The following ZUP1 variants were observed in gnomAD, a reference collection of about 807,000 sequenced individuals.
ZUP1 encodes zinc finger-containing ubiquitin peptidase 1.
Under a neutral mutation model 68.1 loss-of-function variants are expected in ZUP1, and 55 were observed. The ratio of observed to expected loss-of-function variants is 0.81; its 90% confidence interval spans 0.65 to 1.01. The LOEUF is 1.01. Among genes scored for constraint, ZUP1 ranks in the 50% least tolerant of loss-of-function variants. ZUP1 has a pLI of 0.00. For missense variants in ZUP1, 684 were observed against 674.9 expected (o/e 1.01, Z -0.15); for synonymous variants, 223 against 221.5 (o/e 1.01, Z -0.06).
Position 116,635,823 on chromosome 6 carries a change from C to T in ZUP1, c.*9G>A. 6.3e-7 allele frequency: 1 copy of T among 1,596,196 alleles called. No individual in the cohort carries two copies. The highest frequency in any genetic ancestry group is 1.2e-5 in the South Asian group (1 of 86,408). Reference sequence around the variant, plus strand: ...TCTCAATCACTGAAATGCTTAAATGCTTGATTCTTCAAGGAATCTTCTCGG... The same window carrying T: ...TCTCAATCACTGAAATGCTTAAATGTTTGATTCTTCAAGGAATCTTCTCGG... On this transcript the variant is annotated 3_prime_UTR_variant, in exon 10 of 10. Transcript: ENST00000368576.
chr6:116,657,375 T>C (rs1776704141), intron 4 of ZUP1, among the ~76,000 whole-genome samples: 1 of 152,230 alleles, frequency 6.6e-6, no homozygotes, highest in African/African-American at 2.4e-5. Flanking sequence ...GAAACTTTTC[T>C]ACAGAAAAAT....
At chr6:116,644,745 C>T (rs9374619) in intron 9 of ZUP1, among the ~76,000 whole-genome samples, 28,542 of 151,446 alleles carry the variant, frequency 0.19, 2,878 homozygotes, top group East Asian at 0.29. Flanking sequence ...TGCTAAATGA[C>T]GATTTAATGG....
intron 5 of ZUP1, among the ~76,000 whole-genome samples, chr6:116,656,406 G>A (rs114571173): frequency 6.6e-6 from 1 of 152,052 alleles, no homozygotes; most frequent in African/African-American, 2.4e-5. Flanking sequence ...TTGTTAATGT[G>A]GAGCCAGGAA....
chr6:116,656,565 T>A, intron 5 of ZUP1, 119 bp downstream of exon 5: 1 of 787,206 alleles, frequency 1.3e-6, no homozygotes, highest in South Asian at 2.0e-5. Flanking sequence ...AAACAATACA[T>A]TTTTAAAAAA....
chr6:116,662,184 T>C (rs1358307186), intron 2 of ZUP1, among the ~76,000 whole-genome samples: 1 of 152,230 alleles, frequency 6.6e-6, no homozygotes, highest in Non-Finnish European at 1.5e-5. Flanking sequence ...CTTCCATAAG[T>C]AATGCTGGCG....
chr6:116,645,677 T>G (rs1407413113), intron 9 of ZUP1, 37 bp downstream of exon 9: 1 of 1,438,616 alleles, frequency 7.0e-7, no homozygotes, highest in Non-Finnish European at 9.5e-7. Context: ...TAAGTTCATC[T>G]CATTCAAACT....
rs1426661709 is a variant in ZUP1 at position 116,668,581 on chromosome 6, C to G, written c.-31G>C. ...CAATTCTTACCGGCCCAGAGGCCAG[C>G]AGCTGCCACACTGAGCTCCGCTAGG... On this transcript the variant is annotated 5_prime_UTR_variant, in exon 1 of 10. Coordinates refer to ENST00000368576, the MANE Select transcript of ZUP1 (RefSeq NM_145062.3). 6.6e-6 allele frequency: 1 copy of G among 152,624 alleles called. No individual in the cohort carries two copies. The highest frequency in any genetic ancestry group is 1.5e-5 in the Non-Finnish European group (1 of 68,382). The allele number at this position is 152,624 out of a possible 1,614,324, so 9.5% of individuals were successfully genotyped here. A position where few individuals can be genotyped will look rare whatever the true frequency, so the allele number is the denominator to read the frequency against.
Position 116,666,983 on chromosome 6 carries a change from ATATTG to A in ZUP1, c.205_209del (p.Gln69TrpfsTer5). ...TGTCTTTCTTGTTATCTGAAGTTCC[ATATTG>A]TACTGTATTTATCCTCTCAAAGTTT... On this transcript the variant is annotated frameshift_variant, in exon 2 of 10. Transcript: ENST00000368576. LOFTEE classifies it high-confidence loss of function. 1 of 1,613,852 alleles carries A rather than the reference ATATTG, an allele frequency of 6.2e-7. No individual in the cohort carries two copies. The highest frequency in any genetic ancestry group is 8.5e-7 in the Non-Finnish European group (1 of 1,179,870).
At chr6:116,667,305 T>C in intron 1 of ZUP1, 98 bp from the exon 2 acceptor site, 3 of 720,974 alleles carry the variant, frequency 4.2e-6, no homozygotes, top group Non-Finnish European at 6.2e-6. Context: ...CGCTGGATTA[T>C]TTTGATGAAG....
At chr6:116,638,369 A>G (rs1288796934) in intron 9 of ZUP1, among the ~76,000 whole-genome samples, 1 of 152,140 alleles carries the variant, frequency 6.6e-6, no homozygotes, top group African/African-American at 2.4e-5. Context: ...TTTCTATAAT[A>G]TTACGTTCCC....
At chr6:116,661,924 G>A (rs1776855193) in intron 2 of ZUP1, among the ~76,000 whole-genome samples, 1 of 152,192 alleles carries the variant, frequency 6.6e-6, no homozygotes, top group African/African-American at 2.4e-5. Flanking sequence ...GTGAAGAAAT[G>A]GAGCTACAGT....
Position 116,660,807 on chromosome 6 carries a change from A to G in ZUP1, c.599T>C (p.Leu200Pro). 1 of 1,608,616 alleles carries G rather than the reference A, an allele frequency of 6.2e-7. No homozygotes were observed. Among genetic ancestry groups the G allele is most frequent in the Non-Finnish European group, 8.5e-7 (1 of 1,176,488 alleles). Residue 200 changes from leucine (L) to proline (P), a missense_variant, in exon 3 of 10, where the codon CTC (leucine) becomes CCC (proline). Transcript: ENST00000368576. ...QPLYDCPMCG[L>P]ICTNYHILQE... Reference sequence around the variant, plus strand: ...AAGAATATGGTAATTTGTACATATGAGCCCACACATAGGACAATCATAGAG... The same window carrying G: ...AAGAATATGGTAATTTGTACATATGGGCCCACACATAGGACAATCATAGAG...
chr6:116,645,160 T>C (rs577901088), intron 9 of ZUP1, among the ~76,000 whole-genome samples: 1 of 152,276 alleles, frequency 6.6e-6, no homozygotes, highest in African/African-American at 2.4e-5. Context: ...TAAACACTTT[T>C]ATGAAGCTCT....
chr6:116,649,420 G>C (rs994155132), intron 7 of ZUP1, among the ~76,000 whole-genome samples: 2 of 152,028 alleles, frequency 1.3e-5, no homozygotes, highest in African/African-American at 2.4e-5. Flanking sequence ...GGAATAGACA[G>C]GAAAAGAGCT....
At chr6:116,639,367 G>A (rs1275877486) in intron 9 of ZUP1, among the ~76,000 whole-genome samples, 1 of 152,254 alleles carries the variant, frequency 6.6e-6, no homozygotes, top group Non-Finnish European at 1.5e-5. Context: ...GGAGATCTGA[G>A]AATGGGCAGA....
chr6:116,651,561 A>C lies in ZUP1; in HGVS notation c.1316+11T>G. 6.4e-7 allele frequency: 1 copy of C among 1,562,150 alleles called. No homozygotes were observed. The highest frequency in any genetic ancestry group is 8.7e-7 in the Non-Finnish European group (1 of 1,155,798). On this transcript the variant is annotated intron_variant, in intron 7 of 9. Coordinates refer to ENST00000368576, the MANE Select transcript of ZUP1 (RefSeq NM_145062.3). ...AGGAAATAACATTTATTTAGGTTTT[A>C]AGGTACATACTTTACCCTTAGGGAG...
intron 8 of ZUP1, among the ~76,000 whole-genome samples, chr6:116,646,603 C>T (rs1776317440): frequency 6.6e-6 from 1 of 152,154 alleles, no homozygotes; most frequent in African/African-American, 2.4e-5. Flanking sequence ...TTGACACAGC[C>T]TCACTCCGCC....
At chr6:116,668,211 C>T (rs889241039) in intron 1 of ZUP1, among the ~76,000 whole-genome samples, 1 of 152,136 alleles carries the variant, frequency 6.6e-6, no homozygotes, top group Non-Finnish European at 1.5e-5. Flanking sequence ...GATACAGTCT[C>T]TGATTTTAGA....
chr6:116,662,386 C>T (rs1042451654), intron 2 of ZUP1, among the ~76,000 whole-genome samples: 8 of 151,232 alleles, frequency 5.3e-5, no homozygotes, highest in African/African-American at 2.0e-4. Context: ...TCCCAGTATA[C>T]ATTTTTTACC....
Sources: gnomAD v4.1 joint callset for allele counts (sites outside exome capture counted in the v4.1 genomes callset) on GRCh38, gnomAD v4.1.1 for gene constraint, MANE v1.5 for transcripts, NCBI Gene and HGNC (gene_info 2026-07-23, HGNC 2026-07-21) for gene names.